The following C21orf91 variants were observed in gnomAD, a reference collection of about 807,000 sequenced individuals.
C21orf91 encodes the protein protein EURL homolog.
In C21orf91, 26 loss-of-function variants were observed where a neutral mutation model predicts 32.9. The ratio of observed to expected loss-of-function variants is 0.79; its 90% CI spans 0.58 to 1.10. C21orf91 has a LOEUF of 1.10. C21orf91 is among the 50% of genes least tolerant of loss of function. The pLI is 0.00. For synonymous variants in C21orf91, 126 were observed against 120.4 expected, an observed-to-expected ratio of 1.05 and a Z score of -0.31; for missense variants, 310 against 341.3, an observed-to-expected ratio of 0.91 and a Z score of 0.72.
Position 17,818,233 on chromosome 21 carries a change from GTTTC to G in C21orf91, c.82_85del (p.Glu28HisfsTer11), listed in dbSNP as rs751753325. ...AAAACAAATGTGGCAGAAGGAGAGT[GTTTC>G]TTTGTCTGTTCCCAGTTTACAAACA... On this transcript the variant is annotated frameshift_variant, in exon 2 of 5. Transcript: ENST00000284881. LOFTEE classifies it high-confidence loss of function. The G allele has an allele frequency of 4.0e-5, 65 of 1,610,232 alleles. No homozygotes were observed. The highest frequency in any genetic ancestry group is 8.0e-5 in the African/African-American group (6 of 74,832).
rs1197874204 is a variant in C21orf91, at chr21:17,789,920, A to G, written c.*3495T>C. On this transcript the variant is annotated 3_prime_UTR_variant, in exon 5 of 5. Coordinates refer to ENST00000284881, the MANE Select transcript of C21orf91 (RefSeq NM_001100420.2). ...CAAATAGTTACTCCCACCAACGTAA[A>G]AGTTAAAAATACAATCATACACTGA... 6.6e-6 allele frequency: 1 copy of G among 152,146 alleles called. No homozygotes were observed. Among genetic ancestry groups the G allele is most frequent in the African/African-American group, 2.4e-5 (1 of 41,458 alleles). The allele number at this position is 152,146 out of a possible 1,614,324, so 9.4% of individuals were successfully genotyped here. A position where few individuals can be genotyped will look rare whatever the true frequency, so the allele number is the denominator to read the frequency against.
At chr21:17,801,678 C>T (rs1297093501) in intron 2 of C21orf91, among the ~76,000 whole-genome samples, 1 of 118,612 alleles carries the variant, frequency 8.4e-6, no homozygotes, top group Admixed American at 1.0e-4. Context: ...AGAAACATCA[C>T]AAACTGGGGC....
rs1229416405 is a variant in C21orf91, at chr21:17,789,955, A to G, written c.*3460T>C. On this transcript the variant is annotated 3_prime_UTR_variant, in exon 5 of 5. Transcript: ENST00000284881. ...TACAATCATACACTGAAACGGCATC[A>G]ATTATCTTTGCCTTACATCTGAACA... The G allele has an allele frequency of 1.3e-5, 2 of 152,122 alleles. No homozygotes were observed. The highest frequency in any genetic ancestry group is 4.8e-5 in the African/African-American group (2 of 41,444). The allele number at this position is 152,122 out of a possible 1,614,324, so 9.4% of individuals were successfully genotyped here.
At chr21:17,816,874 T>C (rs550433864) in intron 2 of C21orf91, among the ~76,000 whole-genome samples, 19 of 152,350 alleles carry the variant, frequency 1.2e-4, no homozygotes, top group Admixed American at 1.2e-3. Context: ...AATTCTACAA[T>C]GTATCAACAA....
At chr21:17,807,916 A>G (rs2062608694) in intron 2 of C21orf91, among the ~76,000 whole-genome samples, 1 of 152,218 alleles carries the variant, frequency 6.6e-6, no homozygotes, top group Non-Finnish European at 1.5e-5. Context: ...ACTGGAACTT[A>G]TATTTAAAAG....
chr21:17,804,795 C>G (rs948512325), intron 2 of C21orf91, among the ~76,000 whole-genome samples: 9 of 152,146 alleles, frequency 5.9e-5, no homozygotes, highest in Non-Finnish European at 1.2e-4. Context: ...TTCAGAGAGA[C>G]AATGATAAAC....
Position 17,790,992 on chromosome 21 carries a change from A to G in C21orf91, c.*2423T>C, listed in dbSNP as rs182696647. The G allele has an allele frequency of 2.0e-5, 3 of 152,208 alleles. 1 individual carries two copies. The East Asian group carries it at 5.8e-4, about 29-fold the overall frequency. The allele number at this position is 152,208 out of a possible 1,614,324, so 9.4% of individuals were successfully genotyped here. A position where few individuals can be genotyped will look rare whatever the true frequency, so the allele number is the denominator to read the frequency against. ...AGTAGTACATGAGATATGCTTCAAA[A>G]CATTCTCAAAAATTACTAACAACTG... is the stretch of plus-strand genomic sequence containing the variant. On this transcript the variant is annotated 3_prime_UTR_variant, in exon 5 of 5. Coordinates refer to ENST00000284881, the MANE Select transcript of C21orf91 (RefSeq NM_001100420.2).
intron 2 of C21orf91, 86 bp downstream of exon 2, chr21:17,818,106 A>T (rs1342126851): frequency 6.8e-6 from 6 of 885,232 alleles, no homozygotes; most frequent in Non-Finnish European, 7.0e-6. Context: ...CCAATCATTG[A>T]AGACATTTTA....
At chr21:17,794,544 A>G (rs2062503604) in intron 4 of C21orf91, among the ~76,000 whole-genome samples, 1 of 152,212 alleles carries the variant, frequency 6.6e-6, no homozygotes, top group Non-Finnish European at 1.5e-5. Context: ...AGAGATACTG[A>G]TTATTATGCC....
chr21:17,800,801 C>T (rs2062554052), intron 2 of C21orf91, among the ~76,000 whole-genome samples: 1 of 152,140 alleles, frequency 6.6e-6, no homozygotes, highest in South Asian at 2.1e-4. Context: ...ATATCCATGT[C>T]ACTTTTTTTT....
At chr21:17,804,197 A>G (rs1458796879) in intron 2 of C21orf91, among the ~76,000 whole-genome samples, 1 of 152,174 alleles carries the variant, frequency 6.6e-6, no homozygotes, top group Non-Finnish European at 1.5e-5. Context: ...GGAAGTTATT[A>G]CCATTATTAT....
At chr21:17,795,741 G>A (rs138052335) in intron 3 of C21orf91, among the ~76,000 whole-genome samples, 1,547 of 152,228 alleles carry the variant, frequency 0.01, 22 homozygotes, top group African/African-American at 0.035. Flanking sequence ...CCAAAGTGCT[G>A]GGATTATAGG....
chr21:17,816,781 C>A (rs982063691), intron 2 of C21orf91, among the ~76,000 whole-genome samples: 3 of 152,168 alleles, frequency 2.0e-5, no homozygotes, highest in Admixed American at 6.5e-5. Context: ...CCTGGGCAGT[C>A]CAACTTTTTG....
intron 2 of C21orf91, among the ~76,000 whole-genome samples, chr21:17,807,381 T>C (rs150496541): frequency 6.6e-6 from 1 of 152,344 alleles, no homozygotes; most frequent in Non-Finnish European, 1.5e-5. Context: ...TCCCCAGCTA[T>C]GCTTCCTATA....
rs1378753756 is a variant in C21orf91, at chr21:17,792,039, A to C, written c.*1376T>G. 6.6e-6 allele frequency: 1 copy of C among 152,168 alleles called. No individual in the cohort carries two copies. Among genetic ancestry groups the C allele is most frequent in the African/African-American group, 2.4e-5 (1 of 41,452 alleles). The allele number at this position is 152,168 out of a possible 1,614,324, so 9.4% of individuals were successfully genotyped here. ...TAAGGCAAATGTCATTTATATCTTTATGCATGAAGCTGCCACGTTACTGGG... is the reference window on the plus strand; with the variant it reads ...TAAGGCAAATGTCATTTATATCTTTCTGCATGAAGCTGCCACGTTACTGGG... On this transcript the variant is annotated 3_prime_UTR_variant, in exon 5 of 5. Transcript: ENST00000284881.
chr21:17,807,260 C>T (rs1215970210), intron 2 of C21orf91, among the ~76,000 whole-genome samples: 7 of 152,158 alleles, frequency 4.6e-5, no homozygotes, highest in African/African-American at 1.7e-4. Context: ...GATAGTGAAT[C>T]TCACAAAATC....
intron 2 of C21orf91, 48 bp downstream of exon 2, chr21:17,818,144 G>C: frequency 6.9e-7 from 1 of 1,453,474 alleles, no homozygotes; most frequent in Non-Finnish European, 9.6e-7. Flanking sequence ...GTACAAAGCA[G>C]CTGTGTTAAA....
chr21:17,800,479 A>G (rs1412018904), intron 2 of C21orf91, among the ~76,000 whole-genome samples: 1 of 152,218 alleles, frequency 6.6e-6, no homozygotes. Flanking sequence ...CTACCTCATC[A>G]GTTCAAATTA....
At chr21:17,802,470 G>T (rs966815074) in intron 2 of C21orf91, among the ~76,000 whole-genome samples, 1 of 152,172 alleles carries the variant, frequency 6.6e-6, no homozygotes, top group Non-Finnish European at 1.5e-5. Context: ...ACAGTGGCGT[G>T]AGCCACTGTG....
Sources: allele counts gnomAD v4.1 joint callset (sites outside exome capture counted in the v4.1 genomes callset), GRCh38; gene constraint gnomAD v4.1.1; transcripts MANE v1.5; gene names NCBI Gene and HGNC (gene_info 2026-07-23, HGNC 2026-07-21).